The following UBAP2 variants were observed in gnomAD, a reference collection of about 807,000 sequenced individuals.
UBAP2 encodes ubiquitin-associated protein 2.
In UBAP2, 75 loss-of-function variants were observed where a neutral mutation model predicts 139.6. The observed-to-expected ratio is 0.54, with a 90% CI of 0.45 to 0.65. UBAP2 has a LOEUF of 0.65. UBAP2 is among the 30% of genes least tolerant of loss of function. The pLI, the probability that UBAP2 is intolerant of heterozygous loss-of-function variation, is 0.00. For synonymous variants in UBAP2, 526 were observed against 526.2 expected, an observed-to-expected ratio of 1.00 and a Z score of 0.01; for missense variants, 1,368 against 1,369.6, an observed-to-expected ratio of 1.00 and a Z score of 0.02.
Position 33,992,664 on chromosome 9 carries a change from G to C in UBAP2, c.289-3538C>G, listed in dbSNP as rs574886480. ...AAGACAACTTATCGGGCGGAGGGGG[G>C]GGGGCACAAATAGGGAAAAGAACCT... On this transcript the variant is annotated intron_variant, in intron 4 of 28. Coordinates refer to ENST00000379238, the MANE Select transcript of UBAP2 (RefSeq NM_001370062.2). Among the ~76,000 whole-genome samples, 1,159 of 146,146 alleles carry C rather than the reference G, an allele frequency of 7.9e-3. 12 individuals are homozygous for C. The highest frequency in any genetic ancestry group is 0.013 in the Non-Finnish European group (846 of 66,104).
chr9:33,978,921 A>G (rs1285924359), intron 6 of UBAP2, among the ~76,000 whole-genome samples: 2 of 152,180 alleles, frequency 1.3e-5, no homozygotes, highest in Non-Finnish European at 1.5e-5. Context: ...TCCAGAAGGA[A>G]ACCAACCCCT....
At chr9:33,965,162 C>A (rs1384920403) in intron 8 of UBAP2, among the ~76,000 whole-genome samples, 1 of 152,168 alleles carries the variant, frequency 6.6e-6, no homozygotes. Flanking sequence ...AGAAAATTTA[C>A]CATTTCTGAC....
intron 2 of UBAP2, among the ~76,000 whole-genome samples, chr9:34,009,617 A>C (rs1048737220): frequency 2.0e-5 from 3 of 151,386 alleles, no homozygotes; most frequent in Non-Finnish European, 2.9e-5. Flanking sequence ...ATCCTACCAT[A>C]CAGTATAAGA....
intron 8 of UBAP2, 89 bp downstream of exon 8, chr9:33,971,562 A>T: frequency 1.3e-6 from 1 of 797,584 alleles, no homozygotes. Flanking sequence ...TTCCATCAGC[A>T]CATTTAGACT....
At chr9:33,922,945 C>G in intron 27 of UBAP2, 21 bp downstream of exon 27, 11 of 1,614,152 alleles carry the variant, frequency 6.8e-6, no homozygotes, top group Non-Finnish European at 9.3e-6. Flanking sequence ...CCTATACACC[C>G]AACCCACCTT....
chr9:33,996,298 G>GCATT lies in UBAP2; in HGVS notation c.209_212dup (p.Cys71Ter). 6.2e-7 allele frequency: 1 copy of GCATT among 1,613,548 alleles called. No homozygotes were observed. Among genetic ancestry groups the GCATT allele is most frequent in the Non-Finnish European group, 8.5e-7 (1 of 1,179,888 alleles). ...CATTACAATCATGTAGGGCCACTATGCATTCATCCTGATTTTTCCCTGTCA... is the reference window on the plus strand; with the variant it reads ...CATTACAATCATGTAGGGCCACTATGCATTCATTCATCCTGATTTTTCCCTGTCA... On this transcript the variant is annotated stop_gained and frameshift_variant, in exon 4 of 29. Transcript: ENST00000379238. LOFTEE classifies it high-confidence loss of function.
At chr9:34,024,758 TG>T (rs1250220876) in intron 1 of UBAP2, among the ~76,000 whole-genome samples, 2 of 151,866 alleles carry the variant, frequency 1.3e-5, no homozygotes, top group African/African-American at 4.8e-5. Context: ...CTGAGGCGGG[TG>T]GATCACTTGC....
chr9:34,031,804 G>T lies in UBAP2; in HGVS notation c.-41-14615C>A, dbSNP rs1391883664. On this transcript the variant is annotated intron_variant, in intron 1 of 28. Coordinates refer to ENST00000379238, the MANE Select transcript of UBAP2 (RefSeq NM_001370062.2). ...TGTCCCAAACCAAAAAAAAAAAAAA[G>T]AAAGAAAAAAAGAGGATCTATTTCC... 8.1e-5 allele frequency among the ~76,000 whole-genome samples: 12 copies of T among 148,238 alleles called. 1 individual carries two copies. The South Asian group carries it at 2.6e-3, about 32-fold the overall frequency.
intron 6 of UBAP2, among the ~76,000 whole-genome samples, chr9:33,984,802 C>A (rs1230783234): frequency 2.6e-5 from 4 of 152,154 alleles, no homozygotes; most frequent in Non-Finnish European, 4.4e-5. Context: ...AATGAGATAT[C>A]ATCTTACCCC....
chr9:33,953,247 AT>A (rs1412463378), intron 12 of UBAP2, 37 bp downstream of exon 12: 1 of 1,575,040 alleles, frequency 6.3e-7, no homozygotes, highest in Non-Finnish European at 8.7e-7. Context: ...TAATGGGTAT[AT>A]TTCTTAAAAT....
intron 1 of UBAP2, among the ~76,000 whole-genome samples, chr9:34,020,064 G>A (rs1564066449): frequency 2.0e-5 from 3 of 150,320 alleles, no homozygotes; most frequent in Non-Finnish European, 4.4e-5. Context: ...GGAGGCTGAA[G>A]CAGGATAATT....
chr9:33,966,037 G>A (rs747909745), intron 8 of UBAP2, among the ~76,000 whole-genome samples: 4 of 145,406 alleles, frequency 2.8e-5, no homozygotes, highest in Non-Finnish European at 4.5e-5. Flanking sequence ...CTGACGAAGC[G>A]AGACTCCATC....
At chr9:34,035,514 A>AAAAAATATATATATATATAT in intron 1 of UBAP2, among the ~76,000 whole-genome samples, 7 of 22,490 alleles carry the variant, frequency 3.1e-4, no homozygotes, top group Admixed American at 6.9e-4. Context: ...AAAAAAAAAA[A>AAAAAATATATATATATATAT]ATATATATAT....
intron 8 of UBAP2, among the ~76,000 whole-genome samples, chr9:33,964,535 T>A (rs1318397893): frequency 6.6e-6 from 1 of 151,864 alleles, no homozygotes; most frequent in Non-Finnish European, 1.5e-5. Flanking sequence ...CACACACAGT[T>A]CTTCCACACT....
rs754083725 is a variant in UBAP2, at chr9:33,924,250, G to A, written c.2546C>T (p.Ala849Val). 10 of 1,614,176 alleles carry A rather than the reference G, an allele frequency of 6.2e-6. No homozygotes were observed. The highest frequency in any genetic ancestry group is 4.4e-5 in the South Asian group (4 of 91,090). Residue 849 changes from alanine (A) to valine (V), a missense_variant, in exon 23 of 29, where the codon GCG (alanine) becomes GTG (valine). Transcript: ENST00000379238. ...YYGIPFAAPT[A>V]LASRDGSLAN... ...TAGGCTCCCATCTCGGCTGGCAAGC[G>A]CTGTGGGTGCAGCAAAGGGAATTCC...
chr9:34,021,798 T>A (rs1824967657), intron 1 of UBAP2, among the ~76,000 whole-genome samples: 1 of 152,094 alleles, frequency 6.6e-6, no homozygotes, highest in South Asian at 2.1e-4. Context: ...CACGCCCGAC[T>A]AATTTTTGTA....
At chr9:34,037,234 C>A (rs949815292) in intron 1 of UBAP2, among the ~76,000 whole-genome samples, 4 of 152,068 alleles carry the variant, frequency 2.6e-5, no homozygotes, top group African/African-American at 7.2e-5. Context: ...GTGATCCGCC[C>A]GCCTCGGCCC....
chr9:33,988,328 AGGGTGATAT>A (rs1196634081), intron 5 of UBAP2, among the ~76,000 whole-genome samples: 1 of 152,208 alleles, frequency 6.6e-6, no homozygotes, highest in Admixed American at 6.5e-5. Flanking sequence ...CAAGAGTCTC[AGGGTGATAT>A]GTTAAATATT....
At chr9:34,020,949 G>A (rs1824891236) in intron 1 of UBAP2, among the ~76,000 whole-genome samples, 2 of 151,982 alleles carry the variant, frequency 1.3e-5, no homozygotes, top group South Asian at 2.1e-4. Context: ...GGACCCGGCC[G>A]GAATTCTGTT....
Sources: gnomAD v4.1 joint callset for allele counts (sites outside exome capture counted in the v4.1 genomes callset) on GRCh38, gnomAD v4.1.1 for gene constraint, MANE v1.5 for transcripts, NCBI Gene and HGNC (gene_info 2026-07-23, HGNC 2026-07-21) for gene names.